The following FAF1 variants were observed in gnomAD, a reference collection of about 807,000 sequenced individuals.
FAF1 encodes FAS-associated factor 1.
In FAF1, 25 loss-of-function variants were observed where a neutral mutation model predicts 92.5. The ratio of observed to expected loss-of-function variants is 0.27; its 90% CI spans 0.20 to 0.38. The LOEUF is 0.38. Ranked by LOEUF, FAF1 falls within the 10% of genes least tolerant of loss-of-function variation. The pLI is 1.00. For missense variants in FAF1, 636 were observed against 793.3 expected (o/e 0.80, Z 2.38); for synonymous variants, 234 against 273.2 (o/e 0.86, Z 1.42).
chr1:50,722,405 T>C (rs1032086746), intron 6 of FAF1, among the ~76,000 whole-genome samples: 1 of 152,096 alleles, frequency 6.6e-6, no homozygotes, highest in African/African-American at 2.4e-5. Flanking sequence ...TCCCAGCACT[T>C]TGGGAGGCCG....
intron 15 of FAF1, among the ~76,000 whole-genome samples, chr1:50,531,502 C>T (rs1174882588): frequency 6.6e-6 from 1 of 152,134 alleles, no homozygotes; most frequent in South Asian, 2.1e-4. Context: ...AAAATAGATT[C>T]TAAAATGTCG....
At chr1:50,790,545 T>A (rs1227667379) in intron 3 of FAF1, among the ~76,000 whole-genome samples, 2 of 152,242 alleles carry the variant, frequency 1.3e-5, no homozygotes, top group African/African-American at 4.8e-5. Flanking sequence ...ATAATTATTT[T>A]AAAATTTGAC....
chr1:50,751,774 T>G (rs1659879225), intron 4 of FAF1, among the ~76,000 whole-genome samples: 1 of 152,246 alleles, frequency 6.6e-6, no homozygotes, highest in African/African-American at 2.4e-5. Flanking sequence ...CCTCCATAGT[T>G]ATAAGAAATA....
intron 1 of FAF1, among the ~76,000 whole-genome samples, chr1:50,931,890 A>AT (rs962914216): frequency 1.3e-5 from 1 of 76,276 alleles, no homozygotes; most frequent in African/African-American, 5.8e-5. Context: ...AAATAAATAA[A>AT]TAATAATAAT....
At chr1:50,736,361 T>C (rs1329175568) in intron 6 of FAF1, among the ~76,000 whole-genome samples, 1 of 152,258 alleles carries the variant, frequency 6.6e-6, no homozygotes, top group African/African-American at 2.4e-5. Context: ...TTATGAAGTC[T>C]AGTACAAAGC....
chr1:50,814,395 A>G (rs1252104514), intron 2 of FAF1, among the ~76,000 whole-genome samples: 1 of 152,208 alleles, frequency 6.6e-6, no homozygotes, highest in Non-Finnish European at 1.5e-5. Flanking sequence ...GCCCAACTAC[A>G]GACAAATGTT....
intron 4 of FAF1, among the ~76,000 whole-genome samples, chr1:50,753,039 A>T (rs1370488970): frequency 6.6e-6 from 1 of 152,240 alleles, no homozygotes; most frequent in Non-Finnish European, 1.5e-5. Flanking sequence ...AACGTAAAAT[A>T]AACTGCACAT....
chr1:50,824,490 AAAAGG>A (rs1201058498), intron 2 of FAF1, among the ~76,000 whole-genome samples: 5 of 152,192 alleles, frequency 3.3e-5, no homozygotes, highest in Non-Finnish European at 7.4e-5. Context: ...ATGCGAAAAA[AAAAGG>A]AACACTTGTA....
At chr1:50,950,510 G>C (rs1645206035) in intron 1 of FAF1, among the ~76,000 whole-genome samples, 1 of 152,182 alleles carries the variant, frequency 6.6e-6, no homozygotes, top group Non-Finnish European at 1.5e-5. Context: ...CACAGATAAA[G>C]GTAAATGAAC....
At chr1:50,447,368 G>A (rs372178426) in intron 18 of FAF1, among the ~76,000 whole-genome samples, 3 of 151,858 alleles carry the variant, frequency 2.0e-5, no homozygotes, top group Non-Finnish European at 4.4e-5. Flanking sequence ...CTAGTGATCC[G>A]CCCGCCTCGG....
intron 18 of FAF1, among the ~76,000 whole-genome samples, chr1:50,442,674 G>C (rs1284819737): frequency 6.6e-6 from 1 of 152,106 alleles, no homozygotes; most frequent in Non-Finnish European, 1.5e-5. Flanking sequence ...AACTCAAGCT[G>C]CTCCTAATAA....
At chr1:50,499,915 A>G (rs1326278040) in intron 15 of FAF1, among the ~76,000 whole-genome samples, 1 of 152,214 alleles carries the variant, frequency 6.6e-6, no homozygotes, top group Non-Finnish European at 1.5e-5. Flanking sequence ...AATATCATTT[A>G]TAATAGCATA....
chr1:50,485,130 TA>T (rs1044997762), intron 17 of FAF1, among the ~76,000 whole-genome samples: 64 of 151,636 alleles, frequency 4.2e-4, no homozygotes, highest in African/African-American at 1.5e-3. Flanking sequence ...TTATTATTAT[TA>T]TTTTTTTTAA....
chr1:50,850,127 GA>G (rs112287615), intron 2 of FAF1, among the ~76,000 whole-genome samples: 1,442 of 117,758 alleles, frequency 0.012, 11 homozygotes, highest in South Asian at 0.023. Context: ...TAGGAGCTAC[GA>G]AAAAAAAAAA....
chr1:50,866,797 C>A (rs2124676083), intron 1 of FAF1, among the ~76,000 whole-genome samples: 1 of 152,210 alleles, frequency 6.6e-6, no homozygotes, highest in Middle Eastern at 3.4e-3. Flanking sequence ...CAATTGCCAT[C>A]AAAATACCAT....
chr1:50,449,864 A>G (rs1490026923), intron 18 of FAF1, among the ~76,000 whole-genome samples: 3 of 152,072 alleles, frequency 2.0e-5, no homozygotes, highest in Non-Finnish European at 4.4e-5. Flanking sequence ...ATTAAATATC[A>G]GAAGCTTAAT....
At chr1:50,857,843 G>T in intron 2 of FAF1, 86 bp downstream of exon 2, 1 of 770,708 alleles carries the variant, frequency 1.3e-6, no homozygotes, top group Non-Finnish European at 2.1e-6. Context: ...GCTATGGTAT[G>T]CTGAACCCAT....
At chr1:50,870,383 C>T (rs1304258001) in intron 1 of FAF1, among the ~76,000 whole-genome samples, 2 of 152,140 alleles carry the variant, frequency 1.3e-5, no homozygotes, top group South Asian at 2.1e-4. Flanking sequence ...CTTGAACGCG[C>T]GAGGCACAAG....
At chr1:50,666,333 C>T (rs1655630865) in intron 7 of FAF1, among the ~76,000 whole-genome samples, 3 of 151,996 alleles carry the variant, frequency 2.0e-5, no homozygotes, top group African/African-American at 4.8e-5. Flanking sequence ...CCAACTCAGC[C>T]TTCTGAGTGA....
Sources: gnomAD v4.1 joint callset for allele counts (sites outside exome capture counted in the v4.1 genomes callset) on GRCh38, gnomAD v4.1.1 for gene constraint, MANE v1.5 for transcripts, NCBI Gene and HGNC (gene_info 2026-07-23, HGNC 2026-07-21) for gene names.